The following CAD variants were observed in gnomAD, a reference collection of about 807,000 sequenced individuals.
CAD encodes multifunctional protein CAD.
In CAD, 81 loss-of-function variants were observed where a neutral mutation model predicts 237.2. The ratio of observed to expected loss-of-function variants is 0.34; its 90% CI spans 0.29 to 0.41. The LOEUF (loss-of-function observed/expected upper bound fraction) is 0.41. Among genes scored for constraint, CAD ranks in the 10% least tolerant of loss-of-function variants. The pLI is 1.00. For missense variants in CAD, 2,181 were observed against 2,951.7 expected, an observed-to-expected ratio of 0.74 and a Z score of 6.05; for synonymous variants, 1,196 against 1,162.8, an observed-to-expected ratio of 1.03 and a Z score of -0.58.
chr2:27,234,805 G>A lies in CAD; in HGVS notation c.3786+120G>A, dbSNP rs191861503. On this transcript the variant is annotated intron_variant, in intron 23 of 43. Coordinates refer to ENST00000264705, the MANE Select transcript of CAD (RefSeq NM_004341.5). ...CTGCAAGGCATTGCCGGATCGTGGG[G>A]GTAATGAGGTGGTCATTGTCCCTTA... The A allele has an allele frequency of 7.4e-4, 695 of 933,874 alleles. 1 individual carries two copies. Among genetic ancestry groups the A allele is most frequent in the Non-Finnish European group, 5.6e-4 (348 of 617,496 alleles). The allele number at this position is 933,874 out of a possible 1,614,324, so 57.8% of individuals were successfully genotyped here. A position where few individuals can be genotyped will look rare whatever the true frequency, so the allele number is the denominator to read the frequency against.
chr2:27,243,787 T>A lies in CAD; in HGVS notation c.*269T>A, dbSNP rs1215658781. 3.5e-5 allele frequency: 17 copies of A among 481,010 alleles called. No homozygotes were observed. Among genetic ancestry groups the A allele is most frequent in the Non-Finnish European group, 5.9e-5 (16 of 269,654 alleles). 29.8% of individuals were successfully genotyped at this position (481,010 alleles called of 1,614,324 possible). ...AATAAACAGCCGAGCTGTCCCTTGA[T>A]GCTGAGTGTAGTAGAACAGAGCTTT... On this transcript the variant is annotated 3_prime_UTR_variant, in exon 44 of 44. Coordinates refer to ENST00000264705, the MANE Select transcript of CAD (RefSeq NM_004341.5).
chr2:27,226,459 C>CT, intron 13 of CAD, 66 bp from the exon 14 acceptor site: 1 of 1,585,452 alleles, frequency 6.3e-7, no homozygotes, highest in Non-Finnish European at 8.6e-7. Flanking sequence ...TTACTTTTCT[C>CT]TCCTTTCTGA....
At position 27,222,590 on chromosome 2, in the gene CAD, G is replaced by T. The variant is rs1675227363; in HGVS notation, c.567G>T (p.Gln189His). 6.2e-7 allele frequency: 1 copy of T among 1,614,022 alleles called. No homozygotes were observed. Among genetic ancestry groups the T allele is most frequent in the Admixed American group, 1.7e-5 (1 of 60,000 alleles). Residue 189 changes from glutamine (Q) to histidine (H), a missense_variant, in exon 5 of 44, where the codon CAG (glutamine) becomes CAT (histidine). Coordinates refer to ENST00000264705, the MANE Select transcript of CAD (RefSeq NM_004341.5). ...TGGACTGTGGCCTCAAGTATAATCA[G>T]ATCCGATGCCTCTGCCAGCGTGGGG... ...LALDCGLKYNQIRCLCQRGAE... is the reference protein window; with the variant it reads ...LALDCGLKYNHIRCLCQRGAE...
chr2:27,240,251 C>A lies in CAD; in HGVS notation c.5497-14C>A. The A allele has an allele frequency of 6.3e-7, 1 of 1,598,574 alleles. No homozygotes were observed. The highest frequency in any genetic ancestry group is 8.6e-7 in the Non-Finnish European group (1 of 1,166,914). On this transcript the variant is annotated splice_polypyrimidine_tract_variant and intron_variant, in intron 34 of 43. Transcript: ENST00000264705. The surrounding 1 kb of genome is among the most constrained non-coding windows in gnomAD (Gnocchi z 4.6). Reference sequence around the variant, plus strand: ...AAAAAAAAAAACAACTCTGGGCCAACGTTATCCCTCCAGACACCTGAAAGA... The same window carrying A: ...AAAAAAAAAAACAACTCTGGGCCAAAGTTATCCCTCCAGACACCTGAAAGA...
rs757612533 is a variant in CAD at position 27,232,117 on chromosome 2, T to C, written c.2538T>C (p.His846=). Residue 846 remains histidine, a synonymous_variant, in exon 17 of 44, where the codon CAT becomes CAC. Coordinates refer to ENST00000264705, the MANE Select transcript of CAD (RefSeq NM_004341.5). This position sits in a 1 kb window ranked among gnomAD's most constrained non-coding sequence, Gnocchi z 4.1. ...ACCGAATGAAGCGTATCATCGCACATGCCCAGCTGCTAGAACAACACCGTG... is the reference window on the plus strand; with the variant it reads ...ACCGAATGAAGCGTATCATCGCACACGCCCAGCTGCTAGAACAACACCGTG... ...FLHRMKRIIA[H]AQLLEQHRGQ... is the part of the protein sequence containing the mutation. The C allele has an allele frequency of 1.1e-5, 17 of 1,614,242 alleles. No individual in the cohort carries two copies. The East Asian group carries it at 3.6e-4, about 34-fold the overall frequency.
intron 2 of CAD, among the ~76,000 whole-genome samples, chr2:27,219,332 CAA>C (rs1277533572): frequency 1.3e-5 from 2 of 149,380 alleles, no homozygotes; most frequent in African/African-American, 5.1e-5. Flanking sequence ...TATTGAGTAA[CAA>C]GTTTATGGTT....
Position 27,243,880 on chromosome 2 carries a change from C to T in CAD, c.*362C>T, listed in dbSNP as rs1406189802. The stretch of plus-strand genomic sequence containing the variant: ...TCACCAGGCAGGGCTCTGGCTAGGG[C>T]TGCGTGCCCACACTCGGCATTTTCA... On this transcript the variant is annotated 3_prime_UTR_variant, in exon 44 of 44. Coordinates refer to ENST00000264705, the MANE Select transcript of CAD (RefSeq NM_004341.5). 2.2e-5 allele frequency: 5 copies of T among 225,588 alleles called. No individual in the cohort carries two copies. The highest frequency in any genetic ancestry group is 4.4e-5 in the Non-Finnish European group (5 of 113,608). The allele number at this position is 225,588 out of a possible 1,614,324, so 14.0% of individuals were successfully genotyped here.
Position 27,241,484 on chromosome 2 carries a change from C to A in CAD, c.5883+88C>A. ...GGGCCGCGCAGTGGTCAGAGTGGGT[C>A]TTCCTCCCCCTGCCATCCCGTCCCC... is the stretch of plus-strand genomic sequence containing the variant. On this transcript the variant is annotated intron_variant, in intron 38 of 43. Transcript: ENST00000264705. This position sits in a 1 kb window ranked among gnomAD's most constrained non-coding sequence, Gnocchi z 4.6. 8.2e-7 allele frequency: 1 copy of A among 1,225,400 alleles called. No homozygotes were observed. Among genetic ancestry groups the A allele is most frequent in the Admixed American group, 1.7e-5 (1 of 57,874 alleles). The allele number at this position is 1,225,400 out of a possible 1,614,324, so 75.9% of individuals were successfully genotyped here.
At position 27,236,919 on chromosome 2, in the gene CAD, A is replaced by G. The variant is rs1021085982; in HGVS notation, c.4396+89A>G. 9.3e-6 allele frequency: 10 copies of G among 1,072,144 alleles called. No individual in the cohort carries two copies. In the African/African-American group the frequency reaches 1.4e-4, roughly 15 times the overall value. The allele number at this position is 1,072,144 out of a possible 1,614,324, so 66.4% of individuals were successfully genotyped here. Reference sequence around the variant, plus strand: ...GTGGTGAAGGATGGCTGGGGGGCCCACTCTTTGTCCTGGACTGCACAGACT... The same window carrying G: ...GTGGTGAAGGATGGCTGGGGGGCCCGCTCTTTGTCCTGGACTGCACAGACT... On this transcript the variant is annotated intron_variant, in intron 27 of 43. Transcript: ENST00000264705. The surrounding 1 kb of genome is among the most constrained non-coding windows in gnomAD (Gnocchi z 4.1).
chr2:27,233,455 T>C lies in CAD; in HGVS notation c.3135T>C (p.Ala1045=), dbSNP rs1231793594. Reference sequence around the variant, plus strand: ...CCTCCCCTGAAGCCATTGACTCGGCTGAGAACCGTTTCAAGTTTTCCCGGC... The same window carrying C: ...CCTCCCCTGAAGCCATTGACTCGGCCGAGAACCGTTTCAAGTTTTCCCGGC... ...LGTSPEAIDS[A]ENRFKFSRLL... is the part of the protein sequence containing the mutation. Residue 1045 remains alanine (A), a synonymous_variant, in exon 20 of 44, where the codon GCT becomes GCC. Coordinates refer to ENST00000264705, the MANE Select transcript of CAD (RefSeq NM_004341.5). The surrounding 1 kb of genome is among the most constrained non-coding windows in gnomAD (Gnocchi z 6.3). 2.5e-6 allele frequency: 4 copies of C among 1,614,246 alleles called. No homozygotes were observed. In the South Asian group the frequency reaches 4.4e-5, roughly 18 times the overall value.
rs775007056 is a variant in CAD, at chr2:27,225,943, A to G, written c.1842+17A>G. 6.2e-7 allele frequency: 1 copy of G among 1,608,100 alleles called. No homozygotes were observed. The highest frequency in any genetic ancestry group is 8.5e-7 in the Non-Finnish European group (1 of 1,174,434). On this transcript the variant is annotated intron_variant, in intron 12 of 43. Transcript: ENST00000264705. ...TGTGTCACGGTGAGTGAATGGGGGA[A>G]GGGTGGGCGTCGTGTCAGGCAGGAT... is the stretch of plus-strand genomic sequence containing the variant.
At chr2:27,227,870 T>C (rs1313520037) in intron 15 of CAD, among the ~76,000 whole-genome samples, 22 of 152,254 alleles carry the variant, frequency 1.4e-4, no homozygotes, top group South Asian at 2.1e-4. Flanking sequence ...TCACCTGTAA[T>C]CTTGCCTTAC....
At position 27,232,239 on chromosome 2, in the gene CAD, T is replaced by C; in HGVS notation, c.2645+15T>C. On this transcript the variant is annotated intron_variant, in intron 17 of 43. Transcript: ENST00000264705. The surrounding 1 kb of genome is among the most constrained non-coding windows in gnomAD (Gnocchi z 4.1). ...GCAGTTCTGAGGTCAGAGGTGGCAA[T>C]GAGAGCTTCCGGCTGGGAAATGTGG... is the stretch of plus-strand genomic sequence containing the variant. The C allele has an allele frequency of 1.2e-6, 2 of 1,612,758 alleles. No homozygotes were observed. The highest frequency in any genetic ancestry group is 1.7e-6 in the Non-Finnish European group (2 of 1,179,478).
intron 15 of CAD, among the ~76,000 whole-genome samples, chr2:27,229,170 G>A (rs1675599630): frequency 6.6e-6 from 1 of 151,656 alleles, no homozygotes; most frequent in African/African-American, 2.4e-5. Context: ...CGCCTGCCTC[G>A]GCCTCCCAAA....
intron 11 of CAD, 132 bp downstream of exon 11, chr2:27,225,375 C>T (rs756006864): frequency 4.9e-5 from 29 of 591,390 alleles, no homozygotes; most frequent in Admixed American, 2.6e-4. Context: ...GGCGTGATCT[C>T]GGCTCATCAT....
chr2:27,238,238 C>A, intron 30 of CAD, 51 bp downstream of exon 30: 1 of 1,599,266 alleles, frequency 6.3e-7, no homozygotes, highest in South Asian at 1.1e-5. Flanking sequence ...CCAGTAACAC[C>A]AAAGGTCAGG....
Position 27,243,251 on chromosome 2 carries a change from G to C in CAD, c.6534G>C (p.Lys2178Asn). ...TPHIMTRAKK[K>N]MVVMHPMPRV... Reference sequence around the variant, plus strand: ...ACATCATGACCCGGGCCAAGAAGAAGATGGTGGTGATGCACCCGATGCCCC... The same window carrying C: ...ACATCATGACCCGGGCCAAGAAGAACATGGTGGTGATGCACCCGATGCCCC... Residue 2178 changes from lysine (K) to asparagine (N), a missense_variant, in exon 43 of 44, where the codon AAG becomes AAC. Lys to Asn is a moderately conservative substitution (Grantham distance 94). Around this residue, in one of 12 missense-constraint regions of CAD, gnomAD observed 170 missense variants for 212.1 expected, o/e 0.80. Coordinates refer to ENST00000264705, the MANE Select transcript of CAD (RefSeq NM_004341.5). 4.3e-6 allele frequency: 7 copies of C among 1,614,100 alleles called. No homozygotes were observed. The highest frequency in any genetic ancestry group is 5.9e-6 in the Non-Finnish European group (7 of 1,180,012).
At position 27,217,441 on chromosome 2, in the gene CAD, C is replaced by A. The variant is rs1016031597; in HGVS notation, c.-111C>A. The A allele has an allele frequency of 2.1e-6, 2 of 935,412 alleles. No homozygotes were observed. Among genetic ancestry groups the A allele is most frequent in the African/African-American group, 1.7e-5 (1 of 60,358 alleles). 57.9% of individuals were successfully genotyped at this position (935,412 alleles called of 1,614,324 possible). A position where few individuals can be genotyped will look rare whatever the true frequency, so the allele number is the denominator to read the frequency against. ...CGCCCGGCTTCTCTCCAGCGCCCCG[C>A]GCCGTTAGCCACGTGGACCGACTCC... On this transcript the variant is annotated 5_prime_UTR_variant, in exon 1 of 44. Transcript: ENST00000264705.
Position 27,237,608 on chromosome 2 carries a change from C to T in CAD, c.4563+63C>T. On this transcript the variant is annotated intron_variant, in intron 28 of 43. Transcript: ENST00000264705. This position sits in a 1 kb window ranked among gnomAD's most constrained non-coding sequence, Gnocchi z 4.0. ...ATGCCCCTACCAGCCACCCTTGCTT[C>T]CCTGAGCCCTTTTCCTTCTGCCCCG... 1.3e-6 allele frequency: 2 copies of T among 1,582,540 alleles called. No individual in the cohort carries two copies. Among genetic ancestry groups the T allele is most frequent in the South Asian group, 1.2e-5 (1 of 86,956 alleles).
Sources: allele counts gnomAD v4.1 joint callset (sites outside exome capture counted in the v4.1 genomes callset), GRCh38; gene constraint gnomAD v4.1.1; regional missense constraint gnomAD v4.1.1; non-coding constraint Gnocchi (gnomAD v3.1); transcripts MANE v1.5; gene names NCBI Gene and HGNC (gene_info 2026-07-23, HGNC 2026-07-21).